Variants in MBP observed in about 807,000 individuals in gnomAD.
MBP encodes the protein myelin basic protein.
A neutral mutation model predicts 35.8 loss-of-function variants in MBP; 16 were observed. The ratio of observed to expected loss-of-function variants is 0.45; its 90% CI spans 0.30 to 0.68. The LOEUF (loss-of-function observed/expected upper bound fraction) is 0.68. Ranked by LOEUF, MBP falls within the 30% of genes least tolerant of loss-of-function variation. The probability of loss-of-function intolerance (pLI) is 0.08; values close to 1 mark genes in which losing one functional copy is unlikely to be tolerated. For synonymous variants in MBP, 143 were observed against 159.6 expected (o/e 0.90, Z 0.78); for missense variants, 380 against 404.7 (o/e 0.94, Z 0.52).
At chr18:77,008,418 GAGA>G (rs1568284213) in intron 4 of MBP, among the ~76,000 whole-genome samples, 2 of 152,282 alleles carry the variant, frequency 1.3e-5, no homozygotes, top group African/African-American at 4.8e-5. Flanking sequence ...CCATCACCAA[GAGA>G]GCCCTCGAAA....
chr18:77,115,455 C>T (rs1047193111), intron 1 of MBP: 4 of 152,164 alleles, frequency 2.6e-5, no homozygotes, highest in Non-Finnish European at 4.4e-5. Context: ...GTTCCTATTA[C>T]GGAGTCCATG....
At chr18:77,040,151 T>C (rs539438067) in intron 3 of MBP, among the ~76,000 whole-genome samples, 2 of 152,374 alleles carry the variant, frequency 1.3e-5, no homozygotes, top group East Asian at 3.9e-4. Flanking sequence ...CTTCTCATAT[T>C]ATCTTTACTT....
At chr18:77,036,617 CTG>C (rs1313468868) in intron 3 of MBP, among the ~76,000 whole-genome samples, 5 of 132,682 alleles carry the variant, frequency 3.8e-5, no homozygotes, top group African/African-American at 1.5e-4. Flanking sequence ...ATTTTGGAGA[CTG>C]AGCTGAGCAA....
chr18:77,087,246 C>G (rs896759413), intron 2 of MBP: 1 of 151,894 alleles, frequency 6.6e-6, no homozygotes, highest in Non-Finnish European at 1.5e-5. Flanking sequence ...GGAAAACCCC[C>G]GCGGAGCCTG....
chr18:76,994,365 C>G (rs1020216736), intron 4 of MBP, among the ~76,000 whole-genome samples: 13 of 152,148 alleles, frequency 8.5e-5, no homozygotes, highest in Non-Finnish European at 1.6e-4. Flanking sequence ...TGTGATTAAA[C>G]TAGAAAAATG....
chr18:77,021,451 T>A (rs1429082678), intron 3 of MBP, among the ~76,000 whole-genome samples: 1 of 151,560 alleles, frequency 6.6e-6, no homozygotes, highest in Non-Finnish European at 1.5e-5. Context: ...TGGGCGATGC[T>A]GTAGATAAAA....
chr18:77,126,449 G>GT (rs1441539021), intron 1 of MBP, among the ~76,000 whole-genome samples: 2 of 152,294 alleles, frequency 1.3e-5, no homozygotes, highest in East Asian at 3.9e-4. Context: ...ATAATTGGTG[G>GT]TAAAAACTCA....
intron 2 of MBP, among the ~76,000 whole-genome samples, chr18:77,073,576 A>ACGCCAGTGCCCTGCTC: frequency 6.6e-6 from 1 of 152,340 alleles, no homozygotes; most frequent in Admixed American, 6.5e-5. Context: ...GTCAGTAGCT[A>ACGCCAGTGCCCTGCTC]CGCCAGTGCC....
chr18:77,047,187 A>C (rs1451276576), intron 3 of MBP, among the ~76,000 whole-genome samples: 1 of 152,246 alleles, frequency 6.6e-6, no homozygotes, highest in African/African-American at 2.4e-5. Flanking sequence ...CCTGAACGCC[A>C]AGGCTCCGGC....
At chr18:77,106,210 A>G (rs962620481) in intron 1 of MBP, among the ~76,000 whole-genome samples, 4 of 152,238 alleles carry the variant, frequency 2.6e-5, no homozygotes, top group African/African-American at 7.2e-5. Flanking sequence ...TCTTCTGAAC[A>G]CGGGGAGAGA....
At chr18:77,003,006 T>C (rs1424444490) in intron 4 of MBP, 3 of 152,248 alleles carry the variant, frequency 2.0e-5, no homozygotes. Context: ...GTCTAGGGAA[T>C]GAGGGAAGCT....
chr18:77,054,558 C>T (rs1344996984), intron 3 of MBP, among the ~76,000 whole-genome samples: 1 of 152,218 alleles, frequency 6.6e-6, no homozygotes, highest in Admixed American at 6.5e-5. Context: ...CACTTAATCA[C>T]CCAGGTGGGC....
At chr18:77,088,763 C>A (rs1489395611) in intron 2 of MBP, among the ~76,000 whole-genome samples, 1 of 152,088 alleles carries the variant, frequency 6.6e-6, no homozygotes, top group African/African-American at 2.4e-5. Context: ...CATTAATGAT[C>A]CCTGCAGTGG....
At position 77,020,086 on chromosome 18, in the gene MBP, T is replaced by C. The variant is rs1046854080; in HGVS notation, c.140-2818A>G. 6.6e-6 allele frequency among the ~76,000 whole-genome samples: 1 copy of C among 151,946 alleles called. No individual in the cohort carries two copies. On this transcript the variant is annotated intron_variant, in intron 3 of 8. Transcript: ENST00000355994. The surrounding 1 kb of genome is among the most constrained non-coding windows in gnomAD (Gnocchi z 4.1). ...GCTTGGTTTGGGGAGCAGCGGGGCC[T>C]GGGGAGGGAAGATTCTAGTGGACGG...
intron 3 of MBP, among the ~76,000 whole-genome samples, chr18:77,047,269 G>A (rs951214057): frequency 3.3e-5 from 5 of 152,228 alleles, no homozygotes; most frequent in African/African-American, 9.7e-5. Flanking sequence ...ATGAACTGAC[G>A]GTGATGTGCA....
chr18:77,102,400 G>A lies in MBP; in HGVS notation c.51+2811C>T, dbSNP rs564907754. On this transcript the variant is annotated intron_variant, in intron 2 of 8. Coordinates refer to ENST00000355994, the MANE Select transcript of MBP (RefSeq NM_001025101.2). This position sits in a 1 kb window ranked among gnomAD's most constrained non-coding sequence, Gnocchi z 4.4. ...GAGCTCATGTCACGTTTTCTTTTGT[G>A]ATTCAAGTTTAATGCTCTACTAAGC... Among the ~76,000 whole-genome samples, 2 of 152,268 alleles carry A rather than the reference G, an allele frequency of 1.3e-5. No homozygotes were observed. The highest frequency in any genetic ancestry group is 3.9e-4 in the East Asian group (2 of 5,182).
At chr18:77,112,085 G>A (rs1976475884) in intron 1 of MBP, among the ~76,000 whole-genome samples, 1 of 151,922 alleles carries the variant, frequency 6.6e-6, no homozygotes, top group African/African-American at 2.4e-5. Flanking sequence ...CAAACCAAAA[G>A]TATGATTGTA....
chr18:77,058,556 C>G (rs930457298), intron 3 of MBP, among the ~76,000 whole-genome samples: 2 of 152,216 alleles, frequency 1.3e-5, no homozygotes, highest in African/African-American at 2.4e-5. Flanking sequence ...GCACCACCCC[C>G]GCCCCCGCGT....
intron 3 of MBP, among the ~76,000 whole-genome samples, chr18:77,018,106 T>C (rs1316364987): frequency 2.0e-5 from 3 of 152,134 alleles, no homozygotes; most frequent in Admixed American, 2.0e-4. Context: ...TCCATCTATC[T>C]CTCTATCCAT....
Sources: allele counts gnomAD v4.1 joint callset (sites outside exome capture counted in the v4.1 genomes callset), GRCh38; gene constraint gnomAD v4.1.1; non-coding constraint Gnocchi (gnomAD v3.1); transcripts MANE v1.5; gene names NCBI Gene and HGNC (gene_info 2026-07-23, HGNC 2026-07-21).